The following CCDC91 variants were observed in gnomAD, a reference collection of about 807,000 sequenced individuals.
The protein encoded by CCDC91 is coiled-coil domain-containing protein 91.
Under a neutral mutation model 63.2 loss-of-function variants are expected in CCDC91, and 48 were observed. The ratio of observed to expected loss-of-function variants is 0.76; its 90% confidence interval spans 0.60 to 0.97. CCDC91 has a LOEUF of 0.97. Ranked by LOEUF, CCDC91 falls within the 50% of genes least tolerant of loss-of-function variation. The probability of loss-of-function intolerance (pLI) is 0.00; values close to 1 mark genes in which losing one functional copy is unlikely to be tolerated. For synonymous variants in CCDC91, 167 were observed against 165.8 expected (o/e 1.01, Z -0.06); for missense variants, 500 against 494.6 (o/e 1.01, Z -0.10).
At chr12:28,429,850 C>T (rs1948534719) in intron 8 of CCDC91, among the ~76,000 whole-genome samples, 2 of 151,912 alleles carry the variant, frequency 1.3e-5, no homozygotes, top group Admixed American at 1.3e-4. Flanking sequence ...AAAATTTAAT[C>T]GCATCCCAAA....
intron 8 of CCDC91, among the ~76,000 whole-genome samples, chr12:28,427,219 C>T (rs1948367841): frequency 6.6e-6 from 1 of 152,110 alleles, no homozygotes; most frequent in Non-Finnish European, 1.5e-5. Context: ...CCCCAACCCC[C>T]ACCTCCTTTA....
chr12:28,467,915 A>G (rs967608616), intron 11 of CCDC91, among the ~76,000 whole-genome samples: 5 of 152,006 alleles, frequency 3.3e-5, no homozygotes, highest in Non-Finnish European at 5.9e-5. Context: ...ATGGAAACGC[A>G]ACATACCAAA....
At chr12:28,394,395 G>C (rs1946150053) in intron 8 of CCDC91, among the ~76,000 whole-genome samples, 1 of 151,948 alleles carries the variant, frequency 6.6e-6, no homozygotes, top group South Asian at 2.1e-4. Context: ...GAACCTGGGA[G>C]GTGGAGCTTG....
intron 8 of CCDC91, among the ~76,000 whole-genome samples, chr12:28,446,481 C>G (rs137870230): frequency 6.4e-3 from 971 of 152,236 alleles, no homozygotes; most frequent in Admixed American, 0.015. Context: ...GAGCCCTCCC[C>G]TTCAAAAAAC....
intron 1 of CCDC91, among the ~76,000 whole-genome samples, chr12:28,199,786 G>A (rs150586759): frequency 1.5e-3 from 231 of 152,286 alleles, no homozygotes; most frequent in African/African-American, 4.9e-3. Context: ...GGCCTCCGTG[G>A]TTTTTAGTGA....
Position 28,450,188 on chromosome 12 carries a change from A to T in CCDC91, c.790A>T (p.Thr264Ser). ...QHQRLLEMLD[T>S]EKELLKEKIK... ...TCAGAGGCTCCTTGAAATGCTAGAT[A>T]CAGAGAAGGAACTGTTAAAAGAAAA... Residue 264 changes from threonine (T) to serine (S), a missense_variant, in exon 9 of 13, where the codon ACA (threonine) becomes TCA (serine). Thr to Ser is a moderately conservative substitution (Grantham distance 58). Coordinates refer to ENST00000536442, the MANE Select transcript of CCDC91 (RefSeq NM_018318.5). 1.2e-6 allele frequency: 2 copies of T among 1,608,344 alleles called. No homozygotes were observed. The highest frequency in any genetic ancestry group is 1.7e-6 in the Non-Finnish European group (2 of 1,176,872).
At chr12:28,261,732 A>C (rs1946833940) in intron 3 of CCDC91, among the ~76,000 whole-genome samples, 1 of 151,918 alleles carries the variant, frequency 6.6e-6, no homozygotes, top group Non-Finnish European at 1.5e-5. Flanking sequence ...CTTCTCTAGG[A>C]GTGAATATTA....
At chr12:28,448,688 A>G (rs1204394382) in intron 8 of CCDC91, among the ~76,000 whole-genome samples, 1 of 152,096 alleles carries the variant, frequency 6.6e-6, no homozygotes, top group Admixed American at 6.6e-5. Flanking sequence ...TTTCTAAGTT[A>G]TTAATAACTC....
At chr12:28,260,460 C>T (rs1214177604) in intron 3 of CCDC91, among the ~76,000 whole-genome samples, 3 of 151,936 alleles carry the variant, frequency 2.0e-5, no homozygotes, top group East Asian at 1.9e-4. Flanking sequence ...TATTTGAGGG[C>T]TGTGTGTTAT....
rs76694616 is a variant in CCDC91 at position 28,447,352 on chromosome 12, T to C, written c.763-2809T>C. ...TTATATAAAATATTGAATAAACAGC[T>C]CTCCAGAAGGATGTTTGCCTAAGTG... On this transcript the variant is annotated intron_variant, in intron 8 of 12. Coordinates refer to ENST00000536442, the MANE Select transcript of CCDC91 (RefSeq NM_018318.5). 3.7e-3 allele frequency among the ~76,000 whole-genome samples: 560 copies of C among 152,082 alleles called. 8 individuals are homozygous for C. Among genetic ancestry groups the C allele is most frequent in the African/African-American group, 0.013 (542 of 41,508 alleles).
chr12:28,450,887 C>G (rs1392232223), intron 10 of CCDC91, among the ~76,000 whole-genome samples: 1 of 151,642 alleles, frequency 6.6e-6, no homozygotes, highest in Non-Finnish European at 1.5e-5. Context: ...TATTGAATGT[C>G]TCATATCTGT....
At chr12:28,397,310 A>G (rs927307484) in intron 8 of CCDC91, among the ~76,000 whole-genome samples, 3 of 152,234 alleles carry the variant, frequency 2.0e-5, no homozygotes, top group Non-Finnish European at 4.4e-5. Context: ...TGAGAAGTAA[A>G]TGAAAGGTGA....
intron 6 of CCDC91, among the ~76,000 whole-genome samples, chr12:28,334,058 G>T (rs1384553970): frequency 6.7e-6 from 1 of 149,066 alleles, no homozygotes; most frequent in African/African-American, 2.5e-5. Flanking sequence ...GTGTGTGTGT[G>T]TGTATGTGTA....
chr12:28,392,524 A>G (rs1158159647), intron 8 of CCDC91, among the ~76,000 whole-genome samples: 1 of 152,224 alleles, frequency 6.6e-6, no homozygotes, highest in African/African-American at 2.4e-5. Context: ...TGGCCTGGAA[A>G]TGACACATTC....
At chr12:28,447,824 G>A (rs1376798134) in intron 8 of CCDC91, among the ~76,000 whole-genome samples, 1 of 39,658 alleles carries the variant, frequency 2.5e-5, no homozygotes, top group Non-Finnish European at 4.9e-5. Context: ...GGGGAAGGGA[G>A]GGGAGGGGAG....
At chr12:28,209,862 A>G (rs541287416) in intron 1 of CCDC91, among the ~76,000 whole-genome samples, 39 of 152,348 alleles carry the variant, frequency 2.6e-4, no homozygotes, top group Non-Finnish European at 4.3e-4. Flanking sequence ...ACCAAAACAC[A>G]TTTCATTCTC....
At chr12:28,401,332 C>T (rs1357139883) in intron 8 of CCDC91, among the ~76,000 whole-genome samples, 1 of 152,024 alleles carries the variant, frequency 6.6e-6, no homozygotes, top group African/African-American at 2.4e-5. Context: ...GGGAAAAGCC[C>T]CTTATAAAAC....
At chr12:28,447,922 T>A (rs575519872) in intron 8 of CCDC91, among the ~76,000 whole-genome samples, 1 of 151,752 alleles carries the variant, frequency 6.6e-6, no homozygotes, top group African/African-American at 2.4e-5. Flanking sequence ...CCAATTGCAA[T>A]TTGTTCAGGA....
chr12:28,244,269 C>CAAGAAATATTTAAAAAACAACCA (rs1199432014), intron 1 of CCDC91, among the ~76,000 whole-genome samples: 199 of 152,134 alleles, frequency 1.3e-3, no homozygotes, highest in Admixed American at 1.1e-3. Flanking sequence ...TCTAAACTGT[C>CAAGAAATATTTAAAAAACAACCA]AAGAAATATT....
Sources: allele counts gnomAD v4.1 joint callset (sites outside exome capture counted in the v4.1 genomes callset), GRCh38; gene constraint gnomAD v4.1.1; transcripts MANE v1.5; gene names NCBI Gene and HGNC (gene_info 2026-07-23, HGNC 2026-07-21).